LPP: variants seen among roughly 807,000 people sequenced by gnomAD.
LPP encodes lipoma-preferred partner.
In LPP, 38 loss-of-function variants were observed where a neutral mutation model predicts 60.4. The ratio of observed to expected loss-of-function variants is 0.63; its 90% confidence interval spans 0.49 to 0.83. The LOEUF is 0.83. Ranked by LOEUF, LPP falls within the 40% of genes least tolerant of loss-of-function variation. The pLI, the probability that LPP is intolerant of heterozygous loss-of-function variation, is 0.00. For synonymous variants in LPP, 328 were observed against 290.8 expected (o/e 1.13, Z -1.30); for missense variants, 902 against 783.6 (o/e 1.15, Z -1.80).
At position 188,609,593 on chromosome 3, in the gene LPP, G is replaced by A. The variant is rs775220779; in HGVS notation, c.862G>A (p.Gly288Arg). 2.5e-6 allele frequency: 4 copies of A among 1,614,182 alleles called. No individual in the cohort carries two copies. Among genetic ancestry groups the A allele is most frequent in the South Asian group, 1.1e-5 (1 of 91,080 alleles). ...PPGLQPEPGY[G>R]YAPNQGRYYE... ...AGGACTTCAGCCGGAGCCTGGGTATGGGTATGCCCCCAACCAGGGACGCTA... is the reference window on the plus strand; with the variant it reads ...AGGACTTCAGCCGGAGCCTGGGTATAGGTATGCCCCCAACCAGGGACGCTA... Residue 288 changes from glycine (G) to arginine (R), a missense_variant, in exon 7 of 12, where the codon GGG becomes AGG. Physicochemically the swap from Gly to Arg is moderately radical, Grantham distance 125. Coordinates refer to ENST00000617246, the MANE Select transcript of LPP (RefSeq NM_001375462.1). The surrounding 1 kb of genome is among the most constrained non-coding windows in gnomAD (Gnocchi z 6.9).
At chr3:188,395,059 A>G (rs1397498112) in intron 3 of LPP, among the ~76,000 whole-genome samples, 1 of 152,190 alleles carries the variant, frequency 6.6e-6, no homozygotes, top group African/African-American at 2.4e-5. Flanking sequence ...CAGAGTATAT[A>G]ATGCATGAAG....
chr3:188,165,848 C>T (rs1040884416), intron 1 of LPP, among the ~76,000 whole-genome samples: 20 of 152,152 alleles, frequency 1.3e-4, no homozygotes, highest in African/African-American at 4.1e-4. Context: ...GAAAATTACA[C>T]GTGCAAAGTT....
chr3:188,674,135 G>A (rs1857505449), intron 7 of LPP, among the ~76,000 whole-genome samples: 1 of 151,928 alleles, frequency 6.6e-6, no homozygotes, highest in African/African-American at 2.4e-5. Context: ...CCTATTGAGT[G>A]GCCACATTCT....
intron 3 of LPP, among the ~76,000 whole-genome samples, chr3:188,360,162 T>C (rs1382874864): frequency 2.0e-5 from 3 of 152,234 alleles, no homozygotes; most frequent in Admixed American, 2.0e-4. Flanking sequence ...GCTTAGGTCC[T>C]ACCTTAACTT....
chr3:188,668,724 C>T (rs1856329683), intron 7 of LPP, among the ~76,000 whole-genome samples: 1 of 152,120 alleles, frequency 6.6e-6, no homozygotes, highest in South Asian at 2.1e-4. Context: ...TTCCGTGGGA[C>T]AATTACTTAT....
chr3:188,868,484 G>A lies in LPP; in HGVS notation c.1589+2106G>A, dbSNP rs1335337844. On this transcript the variant is annotated intron_variant, in intron 10 of 11. Transcript: ENST00000617246. ...AACCCCCAGATAACCTTCCCCACTC[G>A]TTCAATGCATGTTAAAACATAAATT... Among the ~76,000 whole-genome samples the A allele has an allele frequency of 3.9e-5, 6 of 152,222 alleles. No homozygotes were observed. The South Asian group carries it at 6.2e-4, about 16-fold the overall frequency.
rs148476246 is a variant in LPP, at chr3:188,558,146, T to C, written c.429+33359T>C. Among the ~76,000 whole-genome samples, 17 of 152,258 alleles carry C rather than the reference T, an allele frequency of 1.1e-4. 1 individual carries two copies. The East Asian group carries it at 2.9e-3, about 26-fold the overall frequency. On this transcript the variant is annotated intron_variant, in intron 6 of 11. Transcript: ENST00000617246. ...CCTTCTACAGAAACAAGAGTGTTTC[T>C]CTTAAACTAACTCCCTCATTCTGGA... is the stretch of plus-strand genomic sequence containing the variant.
intron 4 of LPP, among the ~76,000 whole-genome samples, chr3:188,424,419 G>T (rs1788729594): frequency 6.6e-6 from 1 of 152,132 alleles, no homozygotes; most frequent in African/African-American, 2.4e-5. Flanking sequence ...TTTTGCTTAG[G>T]ATTGTTGGGT....
chr3:188,622,260 T>C (rs915565559), intron 7 of LPP, among the ~76,000 whole-genome samples: 12 of 152,248 alleles, frequency 7.9e-5, no homozygotes, highest in African/African-American at 2.9e-4. Flanking sequence ...ACTTTCCTCT[T>C]TCTCCCCTTT....
rs368900967 is a variant in LPP at position 188,596,423 on chromosome 3, T to A, written c.430-12738T>A. On this transcript the variant is annotated intron_variant, in intron 6 of 11. Transcript: ENST00000617246. ...ACTCTGTGGCAAAAGTGCTCTCTCCTTGGAAATTATACCTTTCTGGGATCC... is the reference window on the plus strand; with the variant it reads ...ACTCTGTGGCAAAAGTGCTCTCTCCATGGAAATTATACCTTTCTGGGATCC... Among the ~76,000 whole-genome samples, 59 of 152,296 alleles carry A rather than the reference T, an allele frequency of 3.9e-4. No individual in the cohort carries two copies. The South Asian group carries it at 0.012, about 32-fold the overall frequency.
chr3:188,496,199 C>G (rs909810559), intron 5 of LPP, among the ~76,000 whole-genome samples: 3 of 152,036 alleles, frequency 2.0e-5, no homozygotes, highest in Admixed American at 6.5e-5. Flanking sequence ...GATCTCCACT[C>G]ACTGCAGACT....
chr3:188,441,609 C>CTTTTCTTTTTTTTTT (rs1793896698), intron 4 of LPP, among the ~76,000 whole-genome samples: 1 of 55,652 alleles, frequency 1.8e-5, no homozygotes, highest in African/African-American at 7.5e-5. Context: ...CTTTTCTTTT[C>CTTTTCTTTTTTTTTT]TTTTTTTTTT....
chr3:188,441,577 A>C (rs1342369635), intron 4 of LPP, among the ~76,000 whole-genome samples: 5 of 124,182 alleles, frequency 4.0e-5, no homozygotes, highest in Non-Finnish European at 6.8e-5. Context: ...CCATTGCAAT[A>C]CTCATTACAG....
intron 9 of LPP, among the ~76,000 whole-genome samples, chr3:188,857,161 A>C (rs1764040388): frequency 6.6e-6 from 1 of 152,208 alleles, no homozygotes; most frequent in Admixed American, 6.5e-5. Context: ...GCTTCACAAA[A>C]TGCAGTGTCC....
At chr3:188,154,787 G>A (rs1014743910) in intron 1 of LPP, among the ~76,000 whole-genome samples, 2 of 152,204 alleles carry the variant, frequency 1.3e-5, no homozygotes, top group African/African-American at 4.8e-5. Flanking sequence ...GGGTGTATTG[G>A]ACGTTGCCCT....
intron 3 of LPP, among the ~76,000 whole-genome samples, chr3:188,367,096 C>T (rs1771425068): frequency 6.6e-6 from 1 of 152,032 alleles, no homozygotes; most frequent in South Asian, 2.1e-4. Context: ...CGGGGTTTCA[C>T]CATGTTAGCC....
chr3:188,371,995 T>TC (rs938475069), intron 3 of LPP, among the ~76,000 whole-genome samples: 9 of 151,474 alleles, frequency 5.9e-5, no homozygotes, highest in African/African-American at 2.2e-4. Context: ...TCTTTTCTTT[T>TC]TTTTTTTCTC....
intron 10 of LPP, among the ~76,000 whole-genome samples, chr3:188,870,137 T>C (rs1354605935): frequency 3.3e-5 from 5 of 151,928 alleles, no homozygotes; most frequent in Admixed American, 1.3e-4. Flanking sequence ...GAAATATACA[T>C]ATGTGTGTGT....
At chr3:188,326,690 A>G (rs1189529636) in intron 2 of LPP, among the ~76,000 whole-genome samples, 2 of 152,202 alleles carry the variant, frequency 1.3e-5, no homozygotes, top group Non-Finnish European at 2.9e-5. Flanking sequence ...GGCCTTACTA[A>G]TATAACTAGT....
Sources: allele counts gnomAD v4.1 joint callset (sites outside exome capture counted in the v4.1 genomes callset), GRCh38; gene constraint gnomAD v4.1.1; non-coding constraint Gnocchi (gnomAD v3.1); transcripts MANE v1.5; gene names NCBI Gene and HGNC (gene_info 2026-07-23, HGNC 2026-07-21).